Variants in HIP1 observed in about 807,000 individuals in gnomAD.
The protein encoded by HIP1 is huntingtin-interacting protein 1.
Under a neutral mutation model 147.6 loss-of-function variants are expected in HIP1, and 65 were observed. That is an observed-to-expected ratio of 0.44 (90% CI 0.36 to 0.54). HIP1 has a LOEUF of 0.54. Among genes scored for constraint, HIP1 ranks in the 20% least tolerant of loss-of-function variants. The pLI is 0.00. For missense variants in HIP1, 1,061 were observed against 1,299.6 expected (o/e 0.82, Z 2.82); for synonymous variants, 479 against 504.0 (o/e 0.95, Z 0.67).
chr7:75,646,473 G>A (rs1798807545), intron 1 of HIP1, among the ~76,000 whole-genome samples: 1 of 152,386 alleles, frequency 6.6e-6, no homozygotes, highest in Non-Finnish European at 1.5e-5. Flanking sequence ...CAGCGTGCCA[G>A]GGGGCATGGC....
At chr7:75,639,739 A>T (rs982325844) in intron 1 of HIP1, among the ~76,000 whole-genome samples, 1 of 152,016 alleles carries the variant, frequency 6.6e-6, no homozygotes, top group Non-Finnish European at 1.5e-5. Flanking sequence ...CAGTGGGGGC[A>T]GGGGGTCCGC....
chr7:75,593,490 C>T (rs113272183), intron 2 of HIP1, among the ~76,000 whole-genome samples: 1,736 of 151,934 alleles, frequency 0.011, 29 homozygotes, highest in African/African-American at 0.04. Context: ...ATTAGCTGGG[C>T]GTGGCGGTGG....
chr7:75,693,178 A>G (rs1191422299), intron 1 of HIP1, among the ~76,000 whole-genome samples: 1 of 152,066 alleles, frequency 6.6e-6, no homozygotes, highest in African/African-American at 2.4e-5. Flanking sequence ...AAAAAAAAAA[A>G]AATTATGATG....
intron 1 of HIP1, chr7:75,638,931 G>T (rs1798539582): frequency 6.9e-6 from 2 of 289,312 alleles, no homozygotes; most frequent in Non-Finnish European, 1.0e-5. Context: ...GGGCCAACAG[G>T]CAGGATCAAC....
intron 1 of HIP1, among the ~76,000 whole-genome samples, chr7:75,711,710 T>G (rs1554520148): frequency 6.6e-6 from 1 of 152,114 alleles, no homozygotes; most frequent in Admixed American, 6.5e-5. Context: ...AAGGCATGAG[T>G]GGAATTTCAG....
At chr7:75,624,239 G>C (rs1797953616) in intron 1 of HIP1, among the ~76,000 whole-genome samples, 1 of 152,186 alleles carries the variant, frequency 6.6e-6, no homozygotes, top group Admixed American at 6.6e-5. Context: ...TGGACCCAGG[G>C]AGTGAGAACA....
chr7:75,703,450 CCTGA>C (rs1800896712), intron 1 of HIP1, among the ~76,000 whole-genome samples: 1 of 152,118 alleles, frequency 6.6e-6, no homozygotes, highest in Non-Finnish European at 1.5e-5. Context: ...TCGAGACCAG[CCTGA>C]CTAACATGGA....
At chr7:75,674,130 T>C (rs1440703754) in intron 1 of HIP1, among the ~76,000 whole-genome samples, 5 of 152,194 alleles carry the variant, frequency 3.3e-5, no homozygotes, top group Admixed American at 6.5e-5. Context: ...CACTGAAAAA[T>C]AGAGATAATT....
intron 1 of HIP1, among the ~76,000 whole-genome samples, chr7:75,717,399 A>C (rs1801353650): frequency 6.6e-6 from 1 of 152,116 alleles, no homozygotes; most frequent in Admixed American, 6.5e-5. Context: ...TCAACAGTGA[A>C]CACAGAGTTA....
At chr7:75,593,629 CAAAAAA>C (rs34062007) in intron 2 of HIP1, among the ~76,000 whole-genome samples, 3 of 72,254 alleles carry the variant, frequency 4.2e-5, no homozygotes, top group Non-Finnish European at 7.9e-5. Flanking sequence ...GACTCCATCT[CAAAAAA>C]AAAAAAAAAA....
chr7:75,539,261 C>G, intron 30 of HIP1, 62 bp downstream of exon 30: 1 of 1,201,954 alleles, frequency 8.3e-7, no homozygotes, highest in Non-Finnish European at 1.2e-6. Flanking sequence ...TAGGGGAAGG[C>G]CCTGGCCACA....
intron 9 of HIP1, among the ~76,000 whole-genome samples, chr7:75,567,160 GGTTTTTTTTT>G (rs1247749460): frequency 6.7e-6 from 1 of 150,254 alleles, no homozygotes; most frequent in Non-Finnish European, 1.5e-5. Flanking sequence ...GAGAGAGAAA[GGTTTTTTTTT>G]GTTTTTTTTT....
chr7:75,538,887 C>A (rs587670584), intron 30 of HIP1, among the ~76,000 whole-genome samples: 1 of 152,216 alleles, frequency 6.6e-6, no homozygotes, highest in East Asian at 1.9e-4. Context: ...CACCTGATCC[C>A]TTCTGTCTTT....
At chr7:75,636,330 G>C (rs587618228) in intron 1 of HIP1, among the ~76,000 whole-genome samples, 60 of 149,602 alleles carry the variant, frequency 4.0e-4, no homozygotes, top group African/African-American at 1.3e-3. Context: ...CAGCCTGAGT[G>C]ACACAGCGAG....
intron 4 of HIP1, among the ~76,000 whole-genome samples, chr7:75,588,719 A>C (rs1355973744): frequency 6.6e-6 from 1 of 152,114 alleles, no homozygotes; most frequent in Non-Finnish European, 1.5e-5. Context: ...GGCTGCAATA[A>C]GCCATGATCG....
At chr7:75,608,644 C>A (rs968718401) in intron 1 of HIP1, among the ~76,000 whole-genome samples, 10 of 152,160 alleles carry the variant, frequency 6.6e-5, no homozygotes, top group Non-Finnish European at 1.0e-4. Context: ...AGGCTTGAAC[C>A]TAGACCAATG....
chr7:75,584,840 C>A (rs1554499234), intron 5 of HIP1, among the ~76,000 whole-genome samples: 2 of 151,114 alleles, frequency 1.3e-5, no homozygotes, highest in African/African-American at 4.8e-5. Flanking sequence ...CTCCCACTTT[C>A]CATTTAACAC....
At position 75,582,168 on chromosome 7, in the gene HIP1, G is replaced by A. The variant is rs374593363; in HGVS notation, c.466-17C>T. On this transcript the variant is annotated splice_polypyrimidine_tract_variant and intron_variant, in intron 5 of 30. Coordinates refer to ENST00000336926, the MANE Select transcript of HIP1 (RefSeq NM_005338.7). Reference sequence around the variant, plus strand: ...CCTGGGATTCTGGAAGGGAGGCAGAGGAAGGGAGTCAGGGCAGAAGACATG... The same window carrying A: ...CCTGGGATTCTGGAAGGGAGGCAGAAGAAGGGAGTCAGGGCAGAAGACATG... 22 of 1,606,810 alleles carry A rather than the reference G, an allele frequency of 1.4e-5. No homozygotes were observed. In the African/African-American group the frequency reaches 2.7e-4, roughly 20 times the overall value.
At position 75,602,647 on chromosome 7, in the gene HIP1, C is replaced by T. The variant is rs145631213; in HGVS notation, c.121-3400G>A. Among the ~76,000 whole-genome samples the T allele has an allele frequency of 5.8e-3, 876 of 151,694 alleles. 6 individuals are homozygous for T. The highest frequency in any genetic ancestry group is 0.02 in the African/African-American group (824 of 41,396). ...CCTCCCGAGTAGCTGGGACTACAGGCGCCTGCCACCACGCCCAGCTAATGA... is the reference window on the plus strand; with the variant it reads ...CCTCCCGAGTAGCTGGGACTACAGGTGCCTGCCACCACGCCCAGCTAATGA... On this transcript the variant is annotated intron_variant, in intron 1 of 30. Transcript: ENST00000336926.
Sources: gnomAD v4.1 joint callset for allele counts (sites outside exome capture counted in the v4.1 genomes callset) on GRCh38, gnomAD v4.1.1 for gene constraint, MANE v1.5 for transcripts, NCBI Gene and HGNC (gene_info 2026-07-23, HGNC 2026-07-21) for gene names.